CYBA: variants seen among roughly 807,000 people sequenced by gnomAD.
CYBA encodes cytochrome b-245 alpha chain.
In CYBA, 21 loss-of-function variants were observed where a neutral mutation model predicts 20.8. That is an observed-to-expected ratio of 1.01 (90% CI 0.72 to 1.46). CYBA has a LOEUF of 1.46. Among genes scored for constraint, CYBA ranks in the 40% most tolerant of loss-of-function variants. The pLI is 0.00. For missense variants in CYBA, 344 were observed against 287.0 expected (o/e 1.20, Z -1.43); for synonymous variants, 164 against 127.5 (o/e 1.29, Z -1.93).
intron 1 of CYBA, among the ~76,000 whole-genome samples, chr16:88,649,322 T>TTGTC (rs1179337942): frequency 1.3e-5 from 2 of 152,190 alleles, no homozygotes; most frequent in Non-Finnish European, 2.9e-5. Flanking sequence ...CTCTCTGGGT[T>TTGTC]TGTCTGTCTG....
intron 5 of CYBA, chr16:88,645,475 C>T: frequency 1.4e-6 from 1 of 696,846 alleles, no homozygotes; most frequent in South Asian, 1.5e-5. Flanking sequence ...GGGCTCTGTC[C>T]ACCCAGAGAC....
intron 3 of CYBA, 77 bp downstream of exon 3, chr16:88,647,024 C>G (rs909474087): frequency 7.1e-7 from 1 of 1,415,770 alleles, no homozygotes; most frequent in African/African-American, 1.4e-5. Context: ...AGTGAGAAAC[C>G]AAGCTCCACC....
At chr16:88,650,392 T>C in intron 1 of CYBA, 1 of 456,976 alleles carries the variant, frequency 2.2e-6, no homozygotes, top group Non-Finnish European at 4.4e-6. Flanking sequence ...AAGAGCAAAG[T>C]GCCTGTGCAG....
intron 4 of CYBA, 184 bp downstream of exon 4, chr16:88,646,571 C>T (rs1328598290): frequency 2.8e-6 from 2 of 711,506 alleles, no homozygotes; most frequent in Admixed American, 2.0e-5. Context: ...TGGATCCTTA[C>T]AAATCCTGCA....
chr16:88,646,567 C>G (rs542267059), intron 4 of CYBA, 188 bp downstream of exon 4: 1 of 708,820 alleles, frequency 1.4e-6, no homozygotes, highest in South Asian at 1.5e-5. Flanking sequence ...GGAGTGGATC[C>G]TTACAAATCC....
intron 5 of CYBA, 45 bp downstream of exon 5, chr16:88,646,065 AGGGGCT>A (rs1907265253): frequency 2.1e-5 from 30 of 1,448,348 alleles, no homozygotes; most frequent in Non-Finnish European, 2.8e-5. Flanking sequence ...GTGTCAGGGC[AGGGGCT>A]GGGGATGGGG....
rs145178594 is a variant in CYBA, at chr16:88,649,762, G to A, written c.58+1194C>T. Among the ~76,000 whole-genome samples, 523 of 152,340 alleles carry A rather than the reference G, an allele frequency of 3.4e-3. 3 individuals are homozygous for A. Among genetic ancestry groups the A allele is most frequent in the African/African-American group, 0.012 (499 of 41,570 alleles). ...GAGCCGGGAGGCCAGGGCGGGCAGT[G>A]CAGGGCGTCCAGTCTGGCTCTAACT... is the stretch of plus-strand genomic sequence containing the variant. On this transcript the variant is annotated intron_variant, in intron 1 of 5. Transcript: ENST00000261623.
At chr16:88,645,913 A>C (rs1597371758) in intron 5 of CYBA, 1 of 600,580 alleles carries the variant, frequency 1.7e-6, no homozygotes, top group Non-Finnish European at 3.0e-6. Context: ...CAAGGAAATG[A>C]CCCGACACAC....
Position 88,646,730 on chromosome 16 carries a change from GA to G in CYBA, c.287+24del, listed in dbSNP as rs749533932. The G allele has an allele frequency of 3.7e-6, 6 of 1,604,798 alleles. No homozygotes were observed. In the East Asian group the frequency reaches 1.3e-4, roughly 36 times the overall value. On this transcript the variant is annotated intron_variant, in intron 4 of 5. Transcript: ENST00000261623. ...CGGCTCCAAGCCCTCCTGAGCCCTA[GA>G]GGGGGTGCGGGACGGGGACTCACAG...
At position 88,643,304 on chromosome 16, in the gene CYBA, A is replaced by G. The variant is rs7195830; in HGVS notation, c.*49T>C. 847,601 of 1,358,570 alleles carry G rather than the reference A, an allele frequency of 0.62. 268,002 individuals are homozygous for G. The highest frequency in any genetic ancestry group is 0.84 in the African/African-American group (54,617 of 65,176). The allele number at this position is 1,358,570 out of a possible 1,614,324, so 84.2% of individuals were successfully genotyped here. ...GCTCACGCGCTCCCGGCTTCGCTGC[A>G]TTTATTGCAGGTGGGTGCACCTGGC... is the stretch of plus-strand genomic sequence containing the variant. On this transcript the variant is annotated 3_prime_UTR_variant, in exon 6 of 6. Transcript: ENST00000261623. This position sits in a 1 kb window ranked among gnomAD's most constrained non-coding sequence, Gnocchi z 4.3.
intron 1 of CYBA, among the ~76,000 whole-genome samples, chr16:88,649,150 G>T (rs995632234): frequency 6.6e-6 from 1 of 151,014 alleles, no homozygotes; most frequent in Non-Finnish European, 1.5e-5. Context: ...TGTTAGCCAG[G>T]ATGGTCTCGA....
In CYBA at chr16:88,643,425, A is replaced by G; in HGVS notation, c.516T>C (p.Ala172=). The part of the protein sequence containing the change: ...EARKKPSEEE[A]AVAAGGPPGG... ...CCGGGGGTCCCCCCGCCGCCACCGC[A>G]GCCTCCTCCTCGCTGGGCTTCTTGC... Residue 172 remains alanine (A), a synonymous_variant, in exon 6 of 6, where the codon GCT becomes GCC. Coordinates refer to ENST00000261623, the MANE Select transcript of CYBA (RefSeq NM_000101.4). The surrounding 1 kb of genome is among the most constrained non-coding windows in gnomAD (Gnocchi z 4.3). 1.3e-6 allele frequency: 2 copies of G among 1,534,788 alleles called. No individual in the cohort carries two copies. Among genetic ancestry groups the G allele is most frequent in the South Asian group, 2.4e-5 (2 of 83,446 alleles).
intron 2 of CYBA, chr16:88,647,826 C>T: frequency 4.8e-6 from 3 of 621,542 alleles, no homozygotes; most frequent in Non-Finnish European, 5.8e-6. Flanking sequence ...GCCCACCACT[C>T]ACCAGGACTT....
At chr16:88,647,407 T>C (rs1907330683) in intron 2 of CYBA, among the ~76,000 whole-genome samples, 1 of 152,112 alleles carries the variant, frequency 6.6e-6, no homozygotes, top group Non-Finnish European at 1.5e-5. Context: ...GGTGCAGTGG[T>C]GTGTGCCTGT....
intron 5 of CYBA, chr16:88,645,667 A>G: frequency 1.8e-6 from 1 of 570,552 alleles, no homozygotes; most frequent in Non-Finnish European, 3.1e-6. Context: ...CATAAACCAA[A>G]CGCAGGTGTC....
Position 88,645,963 on chromosome 16 carries a change from C to T in CYBA, c.369+153G>A, listed in dbSNP as rs1410118888. 40 of 667,116 alleles carry T rather than the reference C, an allele frequency of 6.0e-5. 1 individual carries two copies. The highest frequency in any genetic ancestry group is 2.6e-4 in the South Asian group (15 of 58,094). 41.3% of individuals were successfully genotyped at this position (667,116 alleles called of 1,614,324 possible). A position where few individuals can be genotyped will look rare whatever the true frequency, so the allele number is the denominator to read the frequency against. The stretch of plus-strand genomic sequence containing the variant: ...ATGGCAGCAGCAACCGCTGCGTCCC[C>T]GCCGTGCTGTGAGCACACGCCCAGG... On this transcript the variant is annotated intron_variant, in intron 5 of 5. Transcript: ENST00000261623.
In CYBA at chr16:88,647,185, T is replaced by C. The variant is rs770067081; in HGVS notation, c.129-10A>G. 11 of 1,611,612 alleles carry C rather than the reference T, an allele frequency of 6.8e-6. No individual in the cohort carries two copies. The highest frequency in any genetic ancestry group is 1.3e-5 in the African/African-American group (1 of 75,006). ...AAACACGCCCGCCACACTGAAGCCA[T>C]GTGGTTAAGGAACAGCCCAGCTCAG... On this transcript the variant is annotated splice_polypyrimidine_tract_variant and intron_variant, in intron 2 of 5. Coordinates refer to ENST00000261623, the MANE Select transcript of CYBA (RefSeq NM_000101.4).
At chr16:88,649,128 G>A (rs373780386) in intron 1 of CYBA, among the ~76,000 whole-genome samples, 37 of 151,460 alleles carry the variant, frequency 2.4e-4, no homozygotes, top group East Asian at 9.7e-4. Context: ...TAGTAGAGAC[G>A]GGGTTTCACT....
chr16:88,648,999 G>A (rs1287202316), intron 1 of CYBA, among the ~76,000 whole-genome samples: 3 of 147,026 alleles, frequency 2.0e-5, no homozygotes, highest in Admixed American at 6.9e-5. Context: ...GTTCCGTGGC[G>A]TGATCTCAGC....
Sources: gnomAD v4.1 joint callset for allele counts (sites outside exome capture counted in the v4.1 genomes callset) on GRCh38, gnomAD v4.1.1 for gene constraint, Gnocchi (gnomAD v3.1) non-coding constraint, MANE v1.5 for transcripts, NCBI Gene and HGNC (gene_info 2026-07-23, HGNC 2026-07-21) for gene names.